GHRH: variants seen among roughly 807,000 people sequenced by gnomAD.
The protein encoded by GHRH is somatoliberin.
In GHRH, 7 loss-of-function variants were observed where a neutral mutation model predicts 15.6. The ratio of observed to expected loss-of-function variants is 0.45; its 90% CI spans 0.26 to 0.84. The LOEUF (loss-of-function observed/expected upper bound fraction) is 0.84. Among genes scored for constraint, GHRH ranks in the 40% least tolerant of loss-of-function variants. The pLI, the probability that GHRH is intolerant of heterozygous loss-of-function variation, is 0.18. For missense variants in GHRH, 117 were observed against 138.0 expected, an observed-to-expected ratio of 0.85 and a Z score of 0.76; for synonymous variants, 54 against 50.4, an observed-to-expected ratio of 1.07 and a Z score of -0.30.
intron 3 of GHRH, among the ~76,000 whole-genome samples, chr20:37,256,020 T>G (rs1189263680): frequency 6.6e-6 from 1 of 152,126 alleles, no homozygotes; most frequent in Non-Finnish European, 1.5e-5. Context: ...AATGAGACCC[T>G]GTCTCTAAAA....
At chr20:37,257,531 AT>A (rs1225664666) in intron 1 of GHRH, among the ~76,000 whole-genome samples, 3 of 148,320 alleles carry the variant, frequency 2.0e-5, no homozygotes, top group African/African-American at 5.2e-5. Flanking sequence ...AAAAAAAAAA[AT>A]TTAAATAAAT....
rs1053535923 is a variant in GHRH, at chr20:37,259,105, A to G, written c.-19-2197T>C. ...AAGCCCAAATCTCCTTCTCCTGCAA[A>G]TGTTTGTTAAGCCTCTACTGTTCCG... On this transcript the variant is annotated intron_variant, in intron 1 of 4. Coordinates refer to ENST00000373614, the MANE Select transcript of GHRH (RefSeq NM_021081.6). Among the ~76,000 whole-genome samples, 5 of 152,130 alleles carry G rather than the reference A, an allele frequency of 3.3e-5. 1 individual carries two copies. In the South Asian group the frequency reaches 1.0e-3, roughly 32 times the overall value.
intron 1 of GHRH, among the ~76,000 whole-genome samples, chr20:37,260,194 C>G (rs768623445): frequency 6.6e-6 from 1 of 152,138 alleles, no homozygotes; most frequent in Non-Finnish European, 1.5e-5. Context: ...TCAACATTTG[C>G]CACAAATCCT....
intron 4 of GHRH, 47 bp downstream of exon 4, chr20:37,254,163 A>T: frequency 6.2e-7 from 1 of 1,609,060 alleles, no homozygotes; most frequent in East Asian, 2.2e-5. Context: ...ACCACGGGGT[A>T]GGAAGCCCTG....
At position 37,258,492 on chromosome 20, in the gene GHRH, C is replaced by T. The variant is rs1023309280; in HGVS notation, c.-19-1584G>A. Among the ~76,000 whole-genome samples the T allele has an allele frequency of 9.2e-5, 14 of 152,208 alleles. No homozygotes were observed. The highest frequency in any genetic ancestry group is 3.4e-4 in the African/African-American group (14 of 41,440). On this transcript the variant is annotated intron_variant, in intron 1 of 4. Transcript: ENST00000373614. This position sits in a 1 kb window ranked among gnomAD's most constrained non-coding sequence, Gnocchi z 4.1. The stretch of plus-strand genomic sequence containing the variant: ...CTGAAGGCACTGAAGTCTCCTCTAA[C>T]CCAGGGATGCCTTGGGCCCCCAGGC...
intron 3 of GHRH, among the ~76,000 whole-genome samples, chr20:37,255,604 T>C (rs2068650872): frequency 7.6e-6 from 1 of 130,828 alleles, no homozygotes; most frequent in Non-Finnish European, 1.5e-5. Flanking sequence ...GAGCTTGCAG[T>C]GAGCCGAGAT....
intron 1 of GHRH, among the ~76,000 whole-genome samples, chr20:37,260,194 C>A (rs768623445): frequency 1.3e-5 from 2 of 152,256 alleles, no homozygotes; most frequent in Non-Finnish European, 2.9e-5. Flanking sequence ...TCAACATTTG[C>A]CACAAATCCT....
chr20:37,254,237 A>G lies in GHRH; in HGVS notation c.281T>C (p.Ile94Thr). The G allele has an allele frequency of 6.2e-7, 1 of 1,614,122 alleles. No individual in the cohort carries two copies. Among genetic ancestry groups the G allele is most frequent in the South Asian group, 1.1e-5 (1 of 91,074 alleles). The change falls in exon 4 of 5, where the codon ATC becomes ACC. Residue 94 changes from isoleucine (I) to threonine (T), a missense_variant. Ile to Thr is a moderately conservative substitution (Grantham distance 89, BLOSUM62 -1). Transcript: ENST00000373614. ...GTGCTTCTGCAGCAGGGCCACCAGG[A>G]TGCTCTCCAATTCCATTTGCTTTTG... ...AEQKQMELESILVALLQKHSR... is the reference protein window; with the variant it reads ...AEQKQMELESTLVALLQKHSR...
intron 4 of GHRH, 39 bp downstream of exon 4, chr20:37,254,171 C>T: frequency 6.2e-7 from 1 of 1,612,288 alleles, no homozygotes. Context: ...GTAGGAAGCC[C>T]TGAAGTCCCT....
intron 4 of GHRH, 117 bp downstream of exon 4, chr20:37,254,093 G>T: frequency 9.4e-7 from 1 of 1,068,378 alleles, no homozygotes; most frequent in Non-Finnish European, 1.4e-6. Context: ...CTTGTTCTTG[G>T]TTTGTTTGGC....
At position 37,258,279 on chromosome 20, in the gene GHRH, G is replaced by T. The variant is rs1050469254; in HGVS notation, c.-19-1371C>A. Among the ~76,000 whole-genome samples the T allele has an allele frequency of 6.6e-6, 1 of 152,146 alleles. No individual in the cohort carries two copies. The highest frequency in any genetic ancestry group is 2.4e-5 in the African/African-American group (1 of 41,424). On this transcript the variant is annotated intron_variant, in intron 1 of 4. Transcript: ENST00000373614. The surrounding 1 kb of genome is among the most constrained non-coding windows in gnomAD (Gnocchi z 4.1). ...TCTCAGCAGGATGTCTACTCCATGG[G>T]GGTGTAGATCCATCCAGAAGCCCAG... is the stretch of plus-strand genomic sequence containing the variant.
intron 1 of GHRH, among the ~76,000 whole-genome samples, chr20:37,260,520 G>C (rs1456313727): frequency 6.6e-6 from 1 of 152,146 alleles, no homozygotes; most frequent in Non-Finnish European, 1.5e-5. Context: ...GGGAGGTTAA[G>C]GCTGCAGTGA....
In GHRH at chr20:37,254,274, T is replaced by C. The variant is rs1441594178; in HGVS notation, c.244A>G (p.Met82Val). Residue 82 changes from methionine to valine, a missense_variant, in exon 4 of 5, where the codon ATG becomes GTG. Transcript: ENST00000373614. ...TCCATTTGCTTTTGTTCTGCCCACATGCTGTCTACCTGACGACCAAGCCGT... is the reference window on the plus strand; with the variant it reads ...TCCATTTGCTTTTGTTCTGCCCACACGCTGTCTACCTGACGACCAAGCCGT... ...RARLGRQVDS[M>V]WAEQKQMELE... 1 of 1,614,124 alleles carries C rather than the reference T, an allele frequency of 6.2e-7. No homozygotes were observed. Among genetic ancestry groups the C allele is most frequent in the Non-Finnish European group, 8.5e-7 (1 of 1,179,952 alleles).
chr20:37,260,106 G>T (rs1298211018), intron 1 of GHRH, among the ~76,000 whole-genome samples: 1 of 152,114 alleles, frequency 6.6e-6, no homozygotes, highest in African/African-American at 2.4e-5. Context: ...ACTTTGGTGG[G>T]GAGGGCAAGT....
chr20:37,251,400 G>A (rs947732901), intron 4 of GHRH, among the ~76,000 whole-genome samples, 169 bp from the exon 5 acceptor site: 2 of 152,032 alleles, frequency 1.3e-5, no homozygotes, highest in Non-Finnish European at 2.9e-5. Context: ...CCAGCAAGGC[G>A]AGTCCCAGGC....
chr20:37,260,832 G>A (rs555075018), intron 1 of GHRH, among the ~76,000 whole-genome samples: 6 of 152,240 alleles, frequency 3.9e-5, no homozygotes, highest in Non-Finnish European at 5.9e-5. Context: ...ATCTACATCC[G>A]TTGGCACCTT....
intron 3 of GHRH, among the ~76,000 whole-genome samples, chr20:37,255,254 AC>A (rs2068648444): frequency 1.3e-5 from 2 of 152,294 alleles, no homozygotes; most frequent in African/African-American, 4.8e-5. Context: ...TTTTGTTGCA[AC>A]TTTTTTGTAA....
At chr20:37,261,659 T>A (rs2068688223) in intron 1 of GHRH, 84 bp downstream of exon 1, 1 of 152,246 alleles carries the variant, frequency 6.6e-6, no homozygotes, top group Non-Finnish European at 1.5e-5. Flanking sequence ...GTGGGCCTCT[T>A]GGACTCAGTG....
intron 3 of GHRH, among the ~76,000 whole-genome samples, chr20:37,256,056 A>G (rs1242440233): frequency 1.3e-5 from 2 of 152,190 alleles, no homozygotes; most frequent in Non-Finnish European, 2.9e-5. Context: ...ACTAAGAATA[A>G]TAGTAGCTGA....
Sources: gnomAD v4.1 joint callset for allele counts (sites outside exome capture counted in the v4.1 genomes callset) on GRCh38, gnomAD v4.1.1 for gene constraint, Gnocchi (gnomAD v3.1) non-coding constraint, MANE v1.5 for transcripts, NCBI Gene and HGNC (gene_info 2026-07-23, HGNC 2026-07-21) for gene names.